PCDHGA7: variants seen among roughly 807,000 people sequenced by gnomAD.
PCDHGA7 encodes protocadherin gamma subfamily A, 7.
PCDHGA7 carries 44 observed loss-of-function variants against 58.3 expected under a neutral mutation model. The observed-to-expected ratio is 0.75, with a 90% CI of 0.59 to 0.97. The LOEUF (loss-of-function observed/expected upper bound fraction) is 0.97. PCDHGA7 is among the 50% of genes least tolerant of loss of function. The pLI is 0.00. For synonymous variants in PCDHGA7, 516 were observed against 504.2 expected, an observed-to-expected ratio of 1.02 and a Z score of -0.31; for missense variants, 1,266 against 1,188.7, an observed-to-expected ratio of 1.06 and a Z score of -0.96.
chr5:141,477,867 C>CGGT lies in PCDHGA7; in HGVS notation c.2425-16940_2425-16939insGGT. On this transcript the variant is annotated intron_variant, in intron 1 of 3. Transcript: ENST00000518325. This position sits in a 1 kb window ranked among gnomAD's most constrained non-coding sequence, Gnocchi z 4.9. ...TCGGTGGAGATGCTGCCTCGAGGTA[C>CGGT]CTCAGCTGGCCACCTAGTGTCACGG... 6.2e-7 allele frequency: 1 copy of CGGT among 1,613,614 alleles called. No homozygotes were observed. Among genetic ancestry groups the CGGT allele is most frequent in the Non-Finnish European group, 8.5e-7 (1 of 1,179,854 alleles).
At chr5:141,387,976 A>G (rs1406804687) in intron 1 of PCDHGA7, 2 of 1,490,180 alleles carry the variant, frequency 1.3e-6, no homozygotes, top group South Asian at 2.6e-5. Context: ...GCGCTCTGTG[A>G]GCAGATCCGC....
In PCDHGA7 at chr5:141,486,959, G is replaced by A. The variant is rs1161675143; in HGVS notation, c.2425-7848G>A. The A allele has an allele frequency of 1.9e-6, 3 of 1,614,098 alleles. No individual in the cohort carries two copies. In the African/African-American group the frequency reaches 4.0e-5, roughly 22 times the overall value. On this transcript the variant is annotated intron_variant, in intron 1 of 3. Transcript: ENST00000518325. The surrounding 1 kb of genome is among the most constrained non-coding windows in gnomAD (Gnocchi z 5.0). ...CCACCTAATCACAAAGGTGACTGCTGTGGACTTGGATTCAGGTTACAATGC... is the reference window on the plus strand; with the variant it reads ...CCACCTAATCACAAAGGTGACTGCTATGGACTTGGATTCAGGTTACAATGC...
chr5:141,393,899 C>T, intron 1 of PCDHGA7: 1 of 1,613,932 alleles, frequency 6.2e-7, no homozygotes, highest in Non-Finnish European at 8.5e-7. Context: ...ATTCTCTTCC[C>T]GGGACAGTAA....
chr5:141,424,203 GC>G (rs777832241), intron 1 of PCDHGA7: 3 of 175,740 alleles, frequency 1.7e-5, no homozygotes, highest in Non-Finnish European at 3.6e-5. Flanking sequence ...ATACACGTAA[GC>G]TTTTCTCTGA....
intron 2 of PCDHGA7, among the ~76,000 whole-genome samples, chr5:141,498,963 GGGAGGGAGGGAAGGAAGGAA>G (rs1472475865): frequency 5.7e-4 from 74 of 129,970 alleles, no homozygotes; most frequent in Non-Finnish European, 2.6e-4. Flanking sequence ...GAGAGAGGGA[GGGAGGGAGGGAAGGAAGGAA>G]GGAAGGAAGG....
Position 141,405,415 on chromosome 5 carries a change from GT to G in PCDHGA7, c.2424+20098del, listed in dbSNP as rs757320616. The G allele has an allele frequency of 3.1e-4, 488 of 1,559,566 alleles. 1 individual carries two copies. Among genetic ancestry groups the G allele is most frequent in the Admixed American group, 8.4e-4 (46 of 54,770 alleles). On this transcript the variant is annotated intron_variant, in intron 1 of 3. Transcript: ENST00000518325. Reference sequence around the variant, plus strand: ...TTTTCTTTCTTTCTTTTCTTTTTTTGTTTTTTGTTTTGTTTTGTTTTTGAGA... The same window carrying G: ...TTTTCTTTCTTTCTTTTCTTTTTTTGTTTTTGTTTTGTTTTGTTTTTGAGA...
chr5:141,438,583 CATACATACATATATAT>C (rs1183800202), intron 1 of PCDHGA7, among the ~76,000 whole-genome samples: 1 of 57,610 alleles, frequency 1.7e-5, no homozygotes, highest in African/African-American at 9.0e-5. Context: ...TACATACATA[CATACATACATATATAT>C]ATATATATAT....
chr5:141,397,332 A>G (rs1246653356), intron 1 of PCDHGA7, among the ~76,000 whole-genome samples: 1 of 152,234 alleles, frequency 6.6e-6, no homozygotes, highest in Non-Finnish European at 1.5e-5. Flanking sequence ...AATTATTTTT[A>G]TAAAGAATGT....
intron 1 of PCDHGA7, among the ~76,000 whole-genome samples, chr5:141,387,427 GT>G (rs1416187411): frequency 6.6e-6 from 1 of 152,220 alleles, no homozygotes; most frequent in Non-Finnish European, 1.5e-5. Context: ...GTCAATAAAT[GT>G]TTATGTACTT....
At chr5:141,420,672 G>T (rs1478670282) in intron 1 of PCDHGA7, among the ~76,000 whole-genome samples, 1 of 152,296 alleles carries the variant, frequency 6.6e-6, no homozygotes, top group African/African-American at 2.4e-5. Flanking sequence ...CCTACCTGAT[G>T]ATTTTATCGG....
intron 1 of PCDHGA7, chr5:141,411,352 C>T (rs1002274073): frequency 2.6e-5 from 4 of 152,176 alleles, no homozygotes; most frequent in African/African-American, 9.7e-5. Flanking sequence ...GAAAGTATCA[C>T]TTGAGCCCAA....
At position 141,505,417 on chromosome 5, in the gene PCDHGA7, C is replaced by T; in HGVS notation, c.2508C>T (p.Gly836=). The change falls in exon 3 of 4, where the codon GGC becomes GGT. Residue 836 remains glycine, a synonymous_variant. Coordinates refer to ENST00000518325, the MANE Select transcript of PCDHGA7 (RefSeq NM_018920.4). ...TSGSQNGDDT[G]TWPNNQFDTE... is the part of the protein sequence containing the mutation. ...GCTCCCAAAATGGCGATGACACCGG[C>T]ACCTGGCCCAACAACCAGTTTGACA... 1 of 1,614,212 alleles carries T rather than the reference C, an allele frequency of 6.2e-7. No individual in the cohort carries two copies. Among genetic ancestry groups the T allele is most frequent in the Non-Finnish European group, 8.5e-7 (1 of 1,180,024 alleles).
At position 141,491,711 on chromosome 5, in the gene PCDHGA7, C is replaced by T. The variant is rs528931820; in HGVS notation, c.2425-3096C>T. 1.5e-5 allele frequency: 24 copies of T among 1,609,240 alleles called. No homozygotes were observed. In the African/African-American group the frequency reaches 1.7e-4, roughly 12 times the overall value. On this transcript the variant is annotated intron_variant, in intron 1 of 3. Transcript: ENST00000518325. This position sits in a 1 kb window ranked among gnomAD's most constrained non-coding sequence, Gnocchi z 6.9. ...CGGGAGCGGAGCCAGGTGAGGGGCT[C>T]GGCGCCGCCCCGGGCGACCCCTGGG... is the stretch of plus-strand genomic sequence containing the variant.
intron 2 of PCDHGA7, among the ~76,000 whole-genome samples, chr5:141,496,744 T>C (rs1383447795): frequency 6.6e-6 from 1 of 152,170 alleles, no homozygotes; most frequent in Non-Finnish European, 1.5e-5. Context: ...GTTCATTTAT[T>C]CAACAAATAT....
intron 1 of PCDHGA7, chr5:141,388,654 C>T (rs2091438371): frequency 3.1e-6 from 5 of 1,613,846 alleles, no homozygotes; most frequent in Non-Finnish European, 4.2e-6. Flanking sequence ...AACGTGTACC[C>T]GGGGACCACG....
chr5:141,477,607 G>A lies in PCDHGA7; in HGVS notation c.2425-17200G>A, dbSNP rs1223703956. ...ATGCTCGGCTTTCTTTCTTTCTCTT[G>A]GAGCAAGGAGCTGAAACCGGGCTAG... is the stretch of plus-strand genomic sequence containing the variant. On this transcript the variant is annotated intron_variant, in intron 1 of 3. Coordinates refer to ENST00000518325, the MANE Select transcript of PCDHGA7 (RefSeq NM_018920.4). The surrounding 1 kb of genome is among the most constrained non-coding windows in gnomAD (Gnocchi z 4.9). 2 of 1,614,028 alleles carry A rather than the reference G, an allele frequency of 1.2e-6. No individual in the cohort carries two copies. The highest frequency in any genetic ancestry group is 3.3e-5 in the Admixed American group (2 of 60,000).
chr5:141,429,592 T>C (rs2097226711), intron 1 of PCDHGA7, among the ~76,000 whole-genome samples: 1 of 152,234 alleles, frequency 6.6e-6, no homozygotes, highest in Non-Finnish European at 1.5e-5. Flanking sequence ...ATTCTTGTAA[T>C]TCAAGTAAAC....
intron 1 of PCDHGA7, among the ~76,000 whole-genome samples, chr5:141,469,102 A>G (rs1423904196): frequency 6.6e-6 from 1 of 151,626 alleles, no homozygotes; most frequent in East Asian, 1.9e-4. Flanking sequence ...CAAAGCAAGA[A>G]CCTGTCTCTA....
chr5:141,471,427 AGT>A (rs1475862025), intron 1 of PCDHGA7: 1 of 152,188 alleles, frequency 6.6e-6, no homozygotes, highest in Non-Finnish European at 1.5e-5. Flanking sequence ...TAGCAAGGAA[AGT>A]GTATAATCTC....
Sources: allele counts gnomAD v4.1 joint callset (sites outside exome capture counted in the v4.1 genomes callset), GRCh38; gene constraint gnomAD v4.1.1; non-coding constraint Gnocchi (gnomAD v3.1); transcripts MANE v1.5; gene names NCBI Gene and HGNC (gene_info 2026-07-23, HGNC 2026-07-21).